The following LRMDA variants were observed in gnomAD, a reference collection of about 807,000 sequenced individuals.
The protein encoded by LRMDA is leucine rich melanocyte differentiation associated.
LRMDA carries 18 observed loss-of-function variants against 29.8 expected under a neutral mutation model. That is an observed-to-expected ratio of 0.60 (90% confidence interval 0.42 to 0.90). The LOEUF is 0.90. Ranked by LOEUF, LRMDA falls within the 40% of genes least tolerant of loss-of-function variation. The pLI is 0.00. For synonymous variants in LRMDA, 125 were observed against 109.4 expected (o/e 1.14, Z -0.89); for missense variants, 273 against 273.9 (o/e 1.00, Z 0.02).
intron 3 of LRMDA, among the ~76,000 whole-genome samples, chr10:76,037,837 C>G (rs553058869): frequency 1.3e-5 from 2 of 152,320 alleles, no homozygotes; most frequent in East Asian, 1.9e-4. Context: ...GAGGGAAGAA[C>G]AAACATTCAG....
intron 6 of LRMDA, among the ~76,000 whole-genome samples, chr10:76,329,344 C>T (rs555853727): frequency 4.3e-4 from 66 of 152,328 alleles, no homozygotes; most frequent in African/African-American, 1.5e-3. Context: ...CTCATTTCAA[C>T]TTGTCTGCAC....
At chr10:76,516,305 G>A (rs956469835) in intron 6 of LRMDA, among the ~76,000 whole-genome samples, 1 of 151,974 alleles carries the variant, frequency 6.6e-6, no homozygotes, top group African/African-American at 2.4e-5. Flanking sequence ...ACAAATAAAG[G>A]TGGGTTAAAA....
chr10:75,994,236 G>A, intron 2 of LRMDA, among the ~76,000 whole-genome samples: 1 of 152,160 alleles, frequency 6.6e-6, no homozygotes, highest in Non-Finnish European at 1.5e-5. Context: ...CCACTCTATG[G>A]TCTTTATATA....
intron 2 of LRMDA, among the ~76,000 whole-genome samples, chr10:75,779,919 G>A (rs767665600): frequency 6.6e-6 from 1 of 152,156 alleles, no homozygotes; most frequent in Non-Finnish European, 1.5e-5. Flanking sequence ...TAAGGATCTC[G>A]AGATGAAATC....
chr10:75,883,013 C>T (rs976167089), intron 2 of LRMDA, among the ~76,000 whole-genome samples: 1 of 152,108 alleles, frequency 6.6e-6, no homozygotes, highest in Admixed American at 6.6e-5. Context: ...GTCCTTGTGC[C>T]CCAGTGACAG....
chr10:75,814,082 C>A (rs1207470794), intron 2 of LRMDA, among the ~76,000 whole-genome samples: 1 of 152,294 alleles, frequency 6.6e-6, no homozygotes, highest in Middle Eastern at 3.4e-3. Flanking sequence ...ATATGTGAAC[C>A]ATTTAGGAAT....
At chr10:76,200,665 C>T (rs1454231828) in intron 5 of LRMDA, among the ~76,000 whole-genome samples, 1 of 151,852 alleles carries the variant, frequency 6.6e-6, no homozygotes, top group African/African-American at 2.4e-5. Flanking sequence ...GGATAGCATG[C>T]CACATATTAC....
intron 2 of LRMDA, among the ~76,000 whole-genome samples, chr10:75,699,837 C>A (rs1372450680): frequency 6.6e-6 from 1 of 152,056 alleles, no homozygotes; most frequent in East Asian, 1.9e-4. Flanking sequence ...CTGGTGGGAC[C>A]CAGATACAAT....
chr10:76,263,272 T>A (rs1208567037), intron 5 of LRMDA, among the ~76,000 whole-genome samples: 1 of 147,168 alleles, frequency 6.8e-6, no homozygotes, highest in African/African-American at 2.6e-5. Context: ...TCTAACAAAC[T>A]TTTTTTTTTA....
chr10:76,067,693 T>C (rs1375107136), intron 5 of LRMDA, among the ~76,000 whole-genome samples: 1 of 152,156 alleles, frequency 6.6e-6, no homozygotes, highest in Non-Finnish European at 1.5e-5. Flanking sequence ...TGCTTTGAGC[T>C]TGGTGATTCT....
chr10:76,317,372 G>A lies in LRMDA; in HGVS notation c.517-7029G>A, dbSNP rs116207371. 1.7e-3 allele frequency among the ~76,000 whole-genome samples: 262 copies of A among 151,940 alleles called. 1 individual carries two copies. The highest frequency in any genetic ancestry group is 6.0e-3 in the African/African-American group (247 of 41,432). ...CCATCTCCTTCTTTTTCCTCAACTC[G>A]TATTTTTCCTCCCTTTTTTCATCTC... On this transcript the variant is annotated intron_variant, in intron 5 of 6. Transcript: ENST00000611255.
chr10:76,309,114 G>A (rs1393265920), intron 5 of LRMDA, among the ~76,000 whole-genome samples: 3 of 152,246 alleles, frequency 2.0e-5, no homozygotes, highest in South Asian at 2.1e-4. Flanking sequence ...TTCCCTTTTC[G>A]AGGCAAAGAT....
At chr10:76,098,095 G>A (rs1849341732) in intron 5 of LRMDA, among the ~76,000 whole-genome samples, 1 of 151,998 alleles carries the variant, frequency 6.6e-6, no homozygotes. Flanking sequence ...CTTCATCTAT[G>A]TTTGTAATTA....
chr10:75,635,755 T>G (rs1034704105), intron 2 of LRMDA, among the ~76,000 whole-genome samples: 1 of 152,176 alleles, frequency 6.6e-6, no homozygotes, highest in African/African-American at 2.4e-5. Flanking sequence ...CTCCTACCCC[T>G]GCATGTTATG....
chr10:76,267,295 T>A (rs1840018553), intron 5 of LRMDA, among the ~76,000 whole-genome samples: 1 of 152,178 alleles, frequency 6.6e-6, no homozygotes, highest in Non-Finnish European at 1.5e-5. Context: ...TTTTGACATA[T>A]TACACTACAA....
rs929485909 is a variant in LRMDA, at chr10:76,453,586, A to C, written c.602-103623A>C. Among the ~76,000 whole-genome samples the C allele has an allele frequency of 2.0e-5, 3 of 152,236 alleles. No individual in the cohort carries two copies. The South Asian group carries it at 6.2e-4, about 32-fold the overall frequency. ...TTATCTAGTCTTACATTGTTAATGA[A>C]TAAATCATGCAGGATGGATAAACCG... On this transcript the variant is annotated intron_variant, in intron 6 of 6. Transcript: ENST00000611255.
intron 2 of LRMDA, among the ~76,000 whole-genome samples, chr10:75,811,153 C>A (rs987397688): frequency 2.6e-5 from 4 of 152,090 alleles, no homozygotes; most frequent in Non-Finnish European, 5.9e-5. Context: ...GATATCTTCC[C>A]TTCTTAATAG....
At chr10:75,944,038 C>T (rs931001065) in intron 2 of LRMDA, among the ~76,000 whole-genome samples, 1 of 152,190 alleles carries the variant, frequency 6.6e-6, no homozygotes, top group African/African-American at 2.4e-5. Flanking sequence ...AGAGAAATTT[C>T]ATCTGGTAAT....
At chr10:75,929,548 A>T (rs193259833) in intron 2 of LRMDA, among the ~76,000 whole-genome samples, 39 of 152,280 alleles carry the variant, frequency 2.6e-4, no homozygotes, top group African/African-American at 8.7e-4. Flanking sequence ...TTTGCAGAGT[A>T]GAGGGATCAT....
Sources: gnomAD v4.1 joint callset for allele counts (sites outside exome capture counted in the v4.1 genomes callset) on GRCh38, gnomAD v4.1.1 for gene constraint, MANE v1.5 for transcripts, NCBI Gene and HGNC (gene_info 2026-07-23, HGNC 2026-07-21) for gene names.